The following MUC22 variants were observed in gnomAD, a reference collection of about 807,000 sequenced individuals.
The protein encoded by MUC22 is mucin 22, also known as mucin-22.
A neutral mutation model predicts 40.3 loss-of-function variants in MUC22; 24 were observed. The ratio of observed to expected loss-of-function variants is 0.60; its 90% CI spans 0.43 to 0.84. The LOEUF is 0.84. Ranked by LOEUF, MUC22 falls within the 40% of genes least tolerant of loss-of-function variation. The probability of loss-of-function intolerance (pLI) is 0.00; values close to 1 mark genes in which losing one functional copy is unlikely to be tolerated. For synonymous variants in MUC22, 765 were observed against 844.5 expected (o/e 0.91, Z 1.63); for missense variants, 1,926 against 2,130.7 (o/e 0.90, Z 1.89).
At chr6:31,016,471 T>C (rs1193405308) in intron 1 of MUC22, among the ~76,000 whole-genome samples, 3 of 148,210 alleles carry the variant, frequency 2.0e-5, no homozygotes, top group African/African-American at 7.6e-5. Flanking sequence ...GGCTAATTTC[T>C]TTCCACAAGA....
At chr6:31,029,621 C>T in exon 2 of MUC22, 1 of 1,535,620 alleles carries the variant, frequency 6.5e-7, no homozygotes, top group South Asian at 1.2e-5. Context: ...GAGATGACTA[C>T]AGTCTTTACC....
upstream of MUC22, among the ~76,000 whole-genome samples, chr6:31,008,166 G>T (rs28360973): frequency 0.021 from 3,125 of 152,366 alleles, 49 homozygotes; most frequent in Non-Finnish European, 0.031. Flanking sequence ...AGGCTCTGCA[G>T]CTGGACTGAT....
chr6:31,006,101 C>T (rs1009533780), upstream of MUC22: 38 of 377,398 alleles, frequency 1.0e-4, no homozygotes, highest in East Asian at 1.1e-4. Flanking sequence ...AGCGAGACTC[C>T]GTCTCAAAAA....
At chr6:31,030,542 TC>T (rs1160329337) in intron 2 of MUC22, among the ~76,000 whole-genome samples, 10 of 147,900 alleles carry the variant, frequency 6.8e-5, no homozygotes, top group Non-Finnish European at 1.2e-4. Flanking sequence ...AATGTCCTCT[TC>T]TGGAATCCTA....
At position 31,028,816 on chromosome 6, in the gene MUC22, A is replaced by T. The variant is rs6901816; in HGVS notation, c.3385A>T (p.Thr1129Ser). ...TGAAAGCTCTGAGACCACTACAGCC[A>T]CTACCATAGGCTCTGAGACCACCAC... The change falls in exon 2 of 4, where the codon ACT (threonine) becomes TCT (serine). Residue 1129 changes from threonine (T) to serine (S), a missense_variant. By Grantham distance (58) the Thr-to-Ser change is moderately conservative. This residue lies in a region of MUC22 where 35 missense variants were observed against 78.3 expected (regional missense o/e 0.45). Transcript: ENST00000561890. 2,073 of 1,424,770 alleles carry T rather than the reference A, an allele frequency of 1.5e-3. 31 individuals are homozygous for T. The highest frequency in any genetic ancestry group is 9.2e-3 in the African/African-American group (542 of 58,622). 88.3% of individuals were successfully genotyped at this position (1,424,770 alleles called of 1,614,324 possible). A position where few individuals can be genotyped will look rare whatever the true frequency, so the allele number is the denominator to read the frequency against.
intron 1 of MUC22, among the ~76,000 whole-genome samples, chr6:31,023,171 AAAAAAAAGGCG>A (rs201768456): frequency 0.14 from 18,003 of 128,294 alleles, 1,242 homozygotes; most frequent in African/African-American, 0.19. Context: ...TTAATTAAAA[AAAAAAAAGGCG>A]AAAAATGGAG....
chr6:31,034,805 G>A, exon 4 of MUC22: 1 of 1,535,704 alleles, frequency 6.5e-7, no homozygotes, highest in Non-Finnish European at 8.7e-7. Context: ...CTGGTTCATG[G>A]AGGAGAACTT....
intron 1 of MUC22, among the ~76,000 whole-genome samples, chr6:31,020,165 G>A (rs117029467): frequency 0.012 from 1,833 of 152,110 alleles, 26 homozygotes; most frequent in Middle Eastern, 0.02. Flanking sequence ...AAAGTACAAC[G>A]TAATCAAATA....
Position 31,032,379 on chromosome 6 carries a change from C to T in MUC22, c.4853C>T (p.Thr1618Ile), listed in dbSNP as rs778841832. 1.3e-6 allele frequency: 2 copies of T among 1,535,750 alleles called. No individual in the cohort carries two copies. Among genetic ancestry groups the T allele is most frequent in the East Asian group, 2.4e-5 (1 of 40,924 alleles). Residue 1618 changes from threonine to isoleucine, a missense_variant, in exon 3 of 4, where the codon ACA becomes ATA. Thr to Ile is a moderately conservative substitution (Grantham distance 89). Coordinates refer to ENST00000561890, the Ensembl canonical transcript of MUC22. The surrounding 1 kb of genome is among the most constrained non-coding windows in gnomAD (Gnocchi z 4.1). ...TCAGCCCACGGCGTCAGGACCACCACAGGATCCACCCGTGAGCCAACCAGC... is the reference window on the plus strand; with the variant it reads ...TCAGCCCACGGCGTCAGGACCACCATAGGATCCACCCGTGAGCCAACCAGC...
chr6:31,032,378 A>G lies in MUC22; in HGVS notation c.4852A>G (p.Thr1618Ala), dbSNP rs1200293020. The G allele has an allele frequency of 6.5e-7, 1 of 1,535,656 alleles. No individual in the cohort carries two copies. Among genetic ancestry groups the G allele is most frequent in the Non-Finnish European group, 8.7e-7 (1 of 1,146,890 alleles). Residue 1618 changes from threonine (T) to alanine (A), a missense_variant, in exon 3 of 4, where the codon ACA becomes GCA. Around this residue, in one of 3 missense-constraint regions of MUC22, gnomAD observed 610 missense variants for 714.6 expected, o/e 0.85. Coordinates refer to ENST00000561890, the Ensembl canonical transcript of MUC22. This position sits in a 1 kb window ranked among gnomAD's most constrained non-coding sequence, Gnocchi z 4.1. ...CTCAGCCCACGGCGTCAGGACCACC[A>G]CAGGATCCACCCGTGAGCCAACCAG...
chr6:31,016,714 C>A (rs1336367348), intron 1 of MUC22, among the ~76,000 whole-genome samples: 5 of 152,268 alleles, frequency 3.3e-5, no homozygotes, highest in Non-Finnish European at 5.9e-5. Context: ...CCCTTCAGCC[C>A]CCCGCTGCAC....
exon 2 of MUC22, chr6:31,028,624 A>T: frequency 6.5e-7 from 1 of 1,534,836 alleles, no homozygotes; most frequent in African/African-American, 1.4e-5. Context: ...CTCTGAGACC[A>T]CCATAGCCTC....
chr6:31,035,215 G>A (rs1766369066), exon 4 of MUC22: 2 of 449,482 alleles, frequency 4.4e-6, no homozygotes, highest in Non-Finnish European at 7.8e-6. Flanking sequence ...AAGCTTCTGT[G>A]AGTTTTTCCT....
upstream of MUC22, among the ~76,000 whole-genome samples, chr6:31,005,957 A>G (rs1474488781): frequency 1.3e-5 from 2 of 152,052 alleles, no homozygotes; most frequent in African/African-American, 4.8e-5. Flanking sequence ...AAAATACAAA[A>G]ACTAGCTGGC....
chr6:31,020,633 C>G (rs1403419232), intron 1 of MUC22, among the ~76,000 whole-genome samples: 20 of 152,050 alleles, frequency 1.3e-4, no homozygotes, highest in Non-Finnish European at 2.1e-4. Context: ...ACTTGAGGAG[C>G]CCTTCAGCCC....
At position 31,026,211 on chromosome 6, in the gene MUC22, C is replaced by A; in HGVS notation, c.780C>A (p.Ala260=). 1.3e-6 allele frequency: 2 copies of A among 1,521,966 alleles called. 1 individual carries two copies. The highest frequency in any genetic ancestry group is 2.4e-5 in the South Asian group (2 of 83,510). 94.3% of individuals were successfully genotyped at this position (1,521,966 alleles called of 1,614,324 possible). Residue 260 remains alanine, a synonymous_variant, in exon 2 of 4, where the codon GCC becomes GCA. Coordinates refer to ENST00000561890, the Ensembl canonical transcript of MUC22. The stretch of plus-strand genomic sequence containing the variant: ...GCATGAGCTCTGAGACCACTGTGGC[C>A]CCCGCTGCAGGCTCTAACACCACCA...
exon 2 of MUC22, chr6:31,028,686 C>T (rs748177571): frequency 1.4e-5 from 21 of 1,532,862 alleles, no homozygotes; most frequent in Non-Finnish European, 1.8e-5. Context: ...CTGAGACCAT[C>T]CCAGCCTCTA....
chr6:31,029,416 T>G (rs1765825696), exon 2 of MUC22: 2 of 1,534,828 alleles, frequency 1.3e-6, no homozygotes, highest in Middle Eastern at 1.7e-4. Context: ...CACCACAGCC[T>G]CTACCGCAGA....
At chr6:31,006,441 T>C (rs1299810379), upstream of MUC22, among the ~76,000 whole-genome samples, 1 of 152,068 alleles carries the variant, frequency 6.6e-6, no homozygotes, top group Non-Finnish European at 1.5e-5. Flanking sequence ...GATGAATAGG[T>C]GGAGCACAGA....
Sources: gnomAD v4.1 joint callset for allele counts (sites outside exome capture counted in the v4.1 genomes callset) on GRCh38, gnomAD v4.1.1 for gene constraint, gnomAD v4.1.1 regional missense constraint, Gnocchi (gnomAD v3.1) non-coding constraint, MANE v1.5 for transcripts, NCBI Gene and HGNC (gene_info 2026-07-23, HGNC 2026-07-21) for gene names.